Variants in MAGI2 observed in about 807,000 individuals in gnomAD.
MAGI2 encodes membrane-associated guanylate kinase, WW and PDZ domain-containing protein 2.
In MAGI2, 35 loss-of-function variants were observed where a neutral mutation model predicts 133.3. The ratio of observed to expected loss-of-function variants is 0.26; its 90% CI spans 0.20 to 0.35. The LOEUF is 0.35. MAGI2 is among the 10% of genes least tolerant of loss of function. MAGI2 has a pLI of 1.00. For missense variants in MAGI2, 1,636 were observed against 1,863.4 expected (o/e 0.88, Z 2.25); for synonymous variants, 729 against 710.6 (o/e 1.03, Z -0.41).
chr7:78,157,642 T>C (rs1037049053), intron 16 of MAGI2, among the ~76,000 whole-genome samples: 3 of 152,214 alleles, frequency 2.0e-5, no homozygotes, highest in Admixed American at 1.3e-4. Flanking sequence ...CTTTTTATTT[T>C]TATTCTAGTC....
At chr7:78,188,183 CT>C (rs1358458555) in intron 12 of MAGI2, among the ~76,000 whole-genome samples, 1 of 152,108 alleles carries the variant, frequency 6.6e-6, no homozygotes, top group Non-Finnish European at 1.5e-5. Context: ...TCAAAAGGAA[CT>C]TGTTGGAAAT....
At chr7:79,157,605 A>G (rs1823910402) in intron 1 of MAGI2, among the ~76,000 whole-genome samples, 1 of 151,882 alleles carries the variant, frequency 6.6e-6, no homozygotes, top group Non-Finnish European at 1.5e-5. Flanking sequence ...AAATAAGGCA[A>G]GAACAAGCAG....
intron 2 of MAGI2, among the ~76,000 whole-genome samples, chr7:78,680,873 G>A (rs1815573458): frequency 6.6e-6 from 1 of 152,098 alleles, no homozygotes; most frequent in Non-Finnish European, 1.5e-5. Context: ...GCTGGGATAA[G>A]CACTAAGCTC....
chr7:78,320,379 T>C (rs1787876621), intron 9 of MAGI2, among the ~76,000 whole-genome samples: 1 of 152,138 alleles, frequency 6.6e-6, no homozygotes, highest in Non-Finnish European at 1.5e-5. Flanking sequence ...CTCAATAAAA[T>C]ACCGGCAAAC....
At chr7:78,609,854 C>A (rs867763652) in intron 3 of MAGI2, among the ~76,000 whole-genome samples, 22 of 152,280 alleles carry the variant, frequency 1.4e-4, no homozygotes, top group South Asian at 4.1e-4. Context: ...ATCACCCCAG[C>A]CAACACTGTA....
chr7:79,251,963 C>A (rs553367535), intron 1 of MAGI2, among the ~76,000 whole-genome samples: 40 of 152,000 alleles, frequency 2.6e-4, no homozygotes, highest in African/African-American at 8.4e-4. Flanking sequence ...TCAAGACCAG[C>A]CTGGGCAACT....
intron 1 of MAGI2, among the ~76,000 whole-genome samples, chr7:79,203,581 C>T (rs541920337): frequency 5.3e-5 from 8 of 151,902 alleles, no homozygotes; most frequent in Non-Finnish European, 1.0e-4. Context: ...AACCACTACA[C>T]AAAAATAATT....
rs78652420 is a variant in MAGI2 at position 78,242,014 on chromosome 7, G to T, written c.2047+13929C>A. Among the ~76,000 whole-genome samples, 1,224 of 152,150 alleles carry T rather than the reference G, an allele frequency of 8.0e-3. 11 individuals carry two copies. Among genetic ancestry groups the T allele is most frequent in the African/African-American group, 0.028 (1,179 of 41,474 alleles). ...ATATATCCTTGATGTGCAGGTCAGG[G>T]TATAGACAGCACATAAGGAATAGCA... is the stretch of plus-strand genomic sequence containing the variant. On this transcript the variant is annotated intron_variant, in intron 10 of 21. Transcript: ENST00000354212.
At chr7:78,399,729 T>C (rs1038048878) in intron 6 of MAGI2, among the ~76,000 whole-genome samples, 2 of 136,750 alleles carry the variant, frequency 1.5e-5, no homozygotes, top group African/African-American at 5.5e-5. Context: ...AATTTGAACC[T>C]GGGAGGTGGA....
chr7:78,593,329 T>G (rs1423882516), intron 3 of MAGI2, among the ~76,000 whole-genome samples: 1 of 151,958 alleles, frequency 6.6e-6, no homozygotes, highest in East Asian at 2.0e-4. Flanking sequence ...GAGGCGGAGC[T>G]TGCAGTGAGC....
intron 20 of MAGI2, among the ~76,000 whole-genome samples, chr7:78,079,404 C>T (rs935868538): frequency 3.3e-5 from 5 of 152,110 alleles, no homozygotes; most frequent in Non-Finnish European, 5.9e-5. Context: ...ATATCTGATA[C>T]AAAAATTCAA....
At chr7:79,179,545 T>A (rs1487389124) in intron 1 of MAGI2, among the ~76,000 whole-genome samples, 3 of 151,922 alleles carry the variant, frequency 2.0e-5, no homozygotes. Flanking sequence ...GTCACTGTAA[T>A]AAAACAGCAT....
intron 1 of MAGI2, among the ~76,000 whole-genome samples, chr7:79,333,016 C>T (rs1264219343): frequency 3.3e-5 from 5 of 152,112 alleles, no homozygotes; most frequent in Non-Finnish European, 7.4e-5. Flanking sequence ...CGAAAAGATA[C>T]GTGATTTGTC....
chr7:78,214,843 G>A lies in MAGI2; in HGVS notation c.2048-13650C>T, dbSNP rs146993845. Reference sequence around the variant, plus strand: ...TAAGAACAAACTTGTTTGCTTTACAGTGGGGATTCTTGGTGCAACTGACTT... The same window carrying A: ...TAAGAACAAACTTGTTTGCTTTACAATGGGGATTCTTGGTGCAACTGACTT... On this transcript the variant is annotated intron_variant, in intron 10 of 21. Transcript: ENST00000354212. 4.0e-3 allele frequency among the ~76,000 whole-genome samples: 606 copies of A among 152,320 alleles called. 2 individuals carry two copies. The highest frequency in any genetic ancestry group is 0.013 in the African/African-American group (559 of 41,574).
At chr7:79,213,325 T>TACAC (rs146529788) in intron 1 of MAGI2, among the ~76,000 whole-genome samples, 5,153 of 145,422 alleles carry the variant, frequency 0.035, 146 homozygotes, top group African/African-American at 0.063. Flanking sequence ...CGTACACACG[T>TACAC]ACACACACAC....
intron 1 of MAGI2, among the ~76,000 whole-genome samples, chr7:79,067,395 G>A (rs1562853490): frequency 6.6e-6 from 1 of 151,936 alleles, no homozygotes; most frequent in Non-Finnish European, 1.5e-5. Flanking sequence ...TCATGATTTG[G>A]CTCTCTGTTT....
chr7:78,883,346 G>C (rs1158552117), intron 2 of MAGI2, among the ~76,000 whole-genome samples: 15 of 151,796 alleles, frequency 9.9e-5, no homozygotes, highest in Non-Finnish European at 2.1e-4. Context: ...TTTGCAAAGA[G>C]AACTACAAAA....
intron 6 of MAGI2, among the ~76,000 whole-genome samples, chr7:78,397,366 TAC>T (rs71085528): frequency 0.19 from 27,515 of 147,636 alleles, 2,594 homozygotes; most frequent in South Asian, 0.23. Context: ...TTGAAATTCC[TAC>T]ACACACACAC....
At chr7:78,108,695 C>T (rs199819318) in intron 20 of MAGI2, among the ~76,000 whole-genome samples, 3 of 122,024 alleles carry the variant, frequency 2.5e-5, no homozygotes, top group African/African-American at 5.2e-5. Flanking sequence ...TGAGTGTATA[C>T]ACACACATAT....
Sources: gnomAD v4.1 joint callset for allele counts (sites outside exome capture counted in the v4.1 genomes callset) on GRCh38, gnomAD v4.1.1 for gene constraint, MANE v1.5 for transcripts, NCBI Gene and HGNC (gene_info 2026-07-23, HGNC 2026-07-21) for gene names.